Variants in BTBD9 observed in about 807,000 individuals in gnomAD.
BTBD9 encodes BTB domain containing 9, also known as BTB/POZ domain-containing protein 9.
Under a neutral mutation model 64.3 loss-of-function variants are expected in BTBD9, and 49 were observed. The ratio of observed to expected loss-of-function variants is 0.76; its 90% CI spans 0.61 to 0.97. The LOEUF is 0.97. Among genes scored for constraint, BTBD9 ranks in the 50% least tolerant of loss-of-function variants. The probability of loss-of-function intolerance (pLI) is 0.00; values close to 1 mark genes in which losing one functional copy is unlikely to be tolerated. For synonymous variants in BTBD9, 260 were observed against 274.7 expected (o/e 0.95, Z 0.53); for missense variants, 598 against 762.1 (o/e 0.78, Z 2.53).
intron 6 of BTBD9, among the ~76,000 whole-genome samples, chr6:38,407,008 G>T (rs1442298755): frequency 6.6e-6 from 1 of 152,204 alleles, no homozygotes; most frequent in Non-Finnish European, 1.5e-5. Context: ...CAAATTCCTT[G>T]TTCTGTTTCC....
chr6:38,341,293 T>C (rs1764087648), intron 7 of BTBD9, among the ~76,000 whole-genome samples: 1 of 152,212 alleles, frequency 6.6e-6, no homozygotes, highest in Non-Finnish European at 1.5e-5. Context: ...TTTAGGGTAG[T>C]ATGACGGTAT....
At position 38,171,860 on chromosome 6, in the gene BTBD9, AAAAAAAAAAAAAAAAAAAAAAATAAT is replaced by A. The variant is rs1561821393; in HGVS notation, c.*3099_*3124del. 1.0e-4 allele frequency: 6 copies of A among 59,354 alleles called. No homozygotes were observed. The highest frequency in any genetic ancestry group is 3.8e-4 in the South Asian group (1 of 2,652). 3.7% of individuals were successfully genotyped at this position (59,354 alleles called of 1,614,324 possible). Reference sequence around the variant, plus strand: ...CTTTCTACTCTCAAAAAAAAAAAAAAAAAAAAAAAAAAAAAAAAAAAATAATAATAATAATAATAATAATAATAATG... The same window carrying A: ...CTTTCTACTCTCAAAAAAAAAAAAAAAATAATAATAATAATAATAATAATG... On this transcript the variant is annotated 3_prime_UTR_variant, in exon 11 of 11. Transcript: ENST00000481247.
rs146910385 is a variant in BTBD9 at position 38,535,491 on chromosome 6, A to C, written c.1154+42109T>G. Among the ~76,000 whole-genome samples the C allele has an allele frequency of 7.2e-4, 109 of 152,256 alleles. 1 individual carries two copies. The highest frequency in any genetic ancestry group is 3.1e-3 in the Admixed American group (48 of 15,288). On this transcript the variant is annotated intron_variant, in intron 6 of 10. Coordinates refer to ENST00000481247, the MANE Select transcript of BTBD9 (RefSeq NM_001099272.2). The stretch of plus-strand genomic sequence containing the variant: ...AAATACCAATGACATTTTTGACAGA[A>C]ATAGAAATTACAATCCTAAAGTTTA...
At chr6:38,612,646 G>A (rs928245986) in intron 1 of BTBD9, among the ~76,000 whole-genome samples, 31 of 152,232 alleles carry the variant, frequency 2.0e-4, no homozygotes, top group East Asian at 1.7e-3. Context: ...TCCATGATGA[G>A]TAACAATGTG....
At chr6:38,332,427 G>A (rs1216384610) in intron 7 of BTBD9, among the ~76,000 whole-genome samples, 1 of 152,168 alleles carries the variant, frequency 6.6e-6, no homozygotes, top group African/African-American at 2.4e-5. Flanking sequence ...ACTGATGTGA[G>A]ATGTCACCTT....
intron 6 of BTBD9, among the ~76,000 whole-genome samples, chr6:38,354,383 T>G (rs1764637153): frequency 6.6e-6 from 1 of 152,188 alleles, no homozygotes; most frequent in Non-Finnish European, 1.5e-5. Flanking sequence ...TTGTGTTGTA[T>G]GTTCATATAT....
intron 7 of BTBD9, among the ~76,000 whole-genome samples, chr6:38,333,547 C>A (rs1016453577): frequency 6.6e-6 from 1 of 152,134 alleles, no homozygotes; most frequent in African/African-American, 2.4e-5. Flanking sequence ...TTGCTGTTTT[C>A]ATGATACAGT....
intron 9 of BTBD9, among the ~76,000 whole-genome samples, chr6:38,210,969 G>A (rs192101442): frequency 3.9e-5 from 6 of 152,202 alleles, no homozygotes; most frequent in African/African-American, 1.4e-4. Flanking sequence ...TGAGTTCCTC[G>A]GCCTAACAGC....
chr6:38,169,680 G>T lies in BTBD9; in HGVS notation c.*5305C>A, dbSNP rs954855946. The T allele has an allele frequency of 6.6e-6, 1 of 152,300 alleles. No individual in the cohort carries two copies. Among genetic ancestry groups the T allele is most frequent in the Non-Finnish European group, 1.5e-5 (1 of 68,122 alleles). The allele number at this position is 152,300 out of a possible 1,614,324, so 9.4% of individuals were successfully genotyped here. A position where few individuals can be genotyped will look rare whatever the true frequency, so the allele number is the denominator to read the frequency against. On this transcript the variant is annotated 3_prime_UTR_variant, in exon 11 of 11. Transcript: ENST00000481247. ...TCACAGCCGCAGTGACAGCCTTGGG[G>T]AGGCTGAGGGGGCTCTGTCAACCAG...
intron 6 of BTBD9, among the ~76,000 whole-genome samples, chr6:38,375,955 G>GAAAGAAAGAAAA (rs1562098345): frequency 1.5e-4 from 22 of 143,572 alleles, no homozygotes; most frequent in African/African-American, 5.9e-4. Context: ...AAGAAGGAAA[G>GAAAGAAAGAAAA]AAAGAAAGAA....
At chr6:38,248,322 A>G (rs1477684244) in intron 9 of BTBD9, among the ~76,000 whole-genome samples, 1 of 152,234 alleles carries the variant, frequency 6.6e-6, no homozygotes, top group Admixed American at 6.5e-5. Context: ...AGGTAGTTCC[A>G]TATTAGGACT....
intron 6 of BTBD9, among the ~76,000 whole-genome samples, chr6:38,372,939 T>C (rs1765483093): frequency 6.6e-6 from 1 of 152,224 alleles, no homozygotes; most frequent in Admixed American, 6.5e-5. Context: ...TTCTCCCTGA[T>C]GCTAGGTTTC....
chr6:38,592,752 T>C lies in BTBD9; in HGVS notation c.638A>G (p.Asn213Ser). ...FLALLNWCKHNSKENHAEIMQ... is the reference protein window; with the variant it reads ...FLALLNWCKHSSKENHAEIMQ... ...GATTTCAGCATGATTCTCCTTTGAA[T>C]TGTGCTTACACCAGTTTAATAAGGC... The change falls in exon 4 of 11, where the codon AAT becomes AGT. Residue 213 changes from asparagine (N) to serine (S), a missense_variant. By Grantham distance (46) the Asn-to-Ser change is conservative. Coordinates refer to ENST00000481247, the MANE Select transcript of BTBD9 (RefSeq NM_001099272.2). 2 of 1,614,216 alleles carry C rather than the reference T, an allele frequency of 1.2e-6. No homozygotes were observed. The highest frequency in any genetic ancestry group is 8.5e-7 in the Non-Finnish European group (1 of 1,180,020).
At chr6:38,515,761 C>T (rs1196267103) in intron 6 of BTBD9, among the ~76,000 whole-genome samples, 1 of 152,170 alleles carries the variant, frequency 6.6e-6, no homozygotes, top group Non-Finnish European at 1.5e-5. Flanking sequence ...GAGACATAGT[C>T]ACTAGCTACT....
intron 6 of BTBD9, among the ~76,000 whole-genome samples, chr6:38,525,683 TA>T (rs1337837090): frequency 6.6e-6 from 1 of 152,020 alleles, no homozygotes; most frequent in African/African-American, 2.4e-5. Context: ...GGAAATGGAG[TA>T]AAGGTCACTC....
At chr6:38,637,900 C>G (rs1170924117) in intron 1 of BTBD9, among the ~76,000 whole-genome samples, 1 of 152,208 alleles carries the variant, frequency 6.6e-6, no homozygotes. Flanking sequence ...TACAAGAAGG[C>G]TGTATCTTGT....
chr6:38,550,061 T>C (rs560704024), intron 6 of BTBD9, among the ~76,000 whole-genome samples: 1 of 152,306 alleles, frequency 6.6e-6, no homozygotes, highest in East Asian at 1.9e-4. Context: ...TCCAGTCTCA[T>C]GGCTTAATAA....
chr6:38,439,727 G>A (rs369686400), intron 6 of BTBD9, among the ~76,000 whole-genome samples: 26 of 152,046 alleles, frequency 1.7e-4, no homozygotes, highest in Non-Finnish European at 2.6e-4. Context: ...ACACCTGGCC[G>A]CAACTGTGAC....
intron 6 of BTBD9, among the ~76,000 whole-genome samples, chr6:38,526,786 G>T (rs1773516012): frequency 6.6e-6 from 1 of 152,212 alleles, no homozygotes; most frequent in South Asian, 2.1e-4. Context: ...TTTGGAAGGG[G>T]TGTATTTACC....
Sources: allele counts gnomAD v4.1 joint callset (sites outside exome capture counted in the v4.1 genomes callset), GRCh38; gene constraint gnomAD v4.1.1; transcripts MANE v1.5; gene names NCBI Gene and HGNC (gene_info 2026-07-23, HGNC 2026-07-21).